CACNA2D3: variants seen among roughly 807,000 people sequenced by gnomAD.
CACNA2D3 encodes the protein voltage-dependent calcium channel subunit alpha-2/delta-3.
CACNA2D3 carries 60 observed loss-of-function variants against 160.6 expected under a neutral mutation model. The ratio of observed to expected loss-of-function variants is 0.37; its 90% CI spans 0.30 to 0.46. CACNA2D3 has a LOEUF of 0.46. CACNA2D3 is among the 20% of genes least tolerant of loss of function. The pLI is 1.00. For missense variants in CACNA2D3, 1,205 were observed against 1,365.0 expected (o/e 0.88, Z 1.85); for synonymous variants, 558 against 492.9 (o/e 1.13, Z -1.75).
chr3:54,839,892 A>G (rs1346933628), intron 16 of CACNA2D3, among the ~76,000 whole-genome samples: 1 of 152,218 alleles, frequency 6.6e-6, no homozygotes, highest in East Asian at 1.9e-4. Flanking sequence ...TCCCAGAGGC[A>G]TGAAAGGACA....
chr3:54,244,400 A>C (rs1702031837), intron 2 of CACNA2D3, among the ~76,000 whole-genome samples: 1 of 152,260 alleles, frequency 6.6e-6, no homozygotes, highest in Admixed American at 6.5e-5. Flanking sequence ...TCATCTATGA[A>C]ACACAGTAAT....
intron 11 of CACNA2D3, among the ~76,000 whole-genome samples, chr3:54,740,447 G>A (rs1277951081): frequency 1.3e-5 from 2 of 152,116 alleles, no homozygotes; most frequent in East Asian, 3.9e-4. Flanking sequence ...TCTTCAGCCA[G>A]GGGCGCATGC....
chr3:54,198,818 G>C (rs1450977526), intron 2 of CACNA2D3, among the ~76,000 whole-genome samples: 2 of 152,254 alleles, frequency 1.3e-5, no homozygotes, highest in Non-Finnish European at 1.5e-5. Flanking sequence ...GAGTGCACAG[G>C]TCTGGTCGGC....
intron 11 of CACNA2D3, among the ~76,000 whole-genome samples, chr3:54,680,244 T>C (rs1312858209): frequency 1.3e-5 from 2 of 152,184 alleles, no homozygotes; most frequent in African/African-American, 4.8e-5. Flanking sequence ...AAGATATACA[T>C]TCACCTAATT....
At chr3:55,013,549 A>G (rs1703257456) in intron 34 of CACNA2D3, among the ~76,000 whole-genome samples, 1 of 152,184 alleles carries the variant, frequency 6.6e-6, no homozygotes. Flanking sequence ...ATTGGCTTGC[A>G]AGGTTTCTTC....
At chr3:54,599,208 C>T (rs1703018266) in intron 9 of CACNA2D3, among the ~76,000 whole-genome samples, 2 of 152,168 alleles carry the variant, frequency 1.3e-5, no homozygotes, top group Non-Finnish European at 2.9e-5. Context: ...TGACTTTCCA[C>T]AGCCTCATCT....
rs577424164 is a variant in CACNA2D3, at chr3:55,050,035, G to C, written c.2988-23410G>C. On this transcript the variant is annotated intron_variant, in intron 35 of 37. Coordinates refer to ENST00000474759, the MANE Select transcript of CACNA2D3 (RefSeq NM_018398.3). ...ATGGGTTTCCTGAATACAGCACACT[G>C]ATGGGTCTTGACTCTTTATCCAATT... 9.2e-5 allele frequency among the ~76,000 whole-genome samples: 14 copies of C among 151,430 alleles called. No individual in the cohort carries two copies. The South Asian group carries it at 2.5e-3, about 27-fold the overall frequency.
chr3:54,627,471 G>A (rs896364975), intron 9 of CACNA2D3, among the ~76,000 whole-genome samples: 4 of 152,190 alleles, frequency 2.6e-5, no homozygotes, highest in African/African-American at 9.6e-5. Context: ...GAGCGGGAGA[G>A]TAGGGGTAGG....
intron 27 of CACNA2D3, among the ~76,000 whole-genome samples, chr3:54,959,005 G>T (rs1018335557): frequency 1.3e-5 from 2 of 152,140 alleles, no homozygotes; most frequent in Admixed American, 1.3e-4. Flanking sequence ...GGAGACTATG[G>T]TGGGATAATT....
chr3:54,320,042 A>T (rs1428183361), intron 2 of CACNA2D3, among the ~76,000 whole-genome samples: 1 of 152,202 alleles, frequency 6.6e-6, no homozygotes, highest in African/African-American at 2.4e-5. Context: ...TCAGGGACCC[A>T]TAGGAGTTTT....
intron 2 of CACNA2D3, among the ~76,000 whole-genome samples, chr3:54,259,934 T>C (rs1702372855): frequency 6.6e-6 from 1 of 152,204 alleles, no homozygotes; most frequent in Admixed American, 6.5e-5. Context: ...CTGCTAAGAT[T>C]CCTTAATGTA....
At chr3:54,669,911 A>C (rs943616470) in intron 11 of CACNA2D3, among the ~76,000 whole-genome samples, 2 of 152,058 alleles carry the variant, frequency 1.3e-5, no homozygotes, top group African/African-American at 4.8e-5. Context: ...AGCCTCCCAA[A>C]GTGCTGGGAT....
chr3:54,130,771 G>T (rs969067307), intron 2 of CACNA2D3, among the ~76,000 whole-genome samples: 5 of 152,242 alleles, frequency 3.3e-5, no homozygotes, highest in South Asian at 2.1e-4. Flanking sequence ...CTGAATTTTC[G>T]ATCTCACAGG....
chr3:54,550,343 C>T (rs1476681490), intron 5 of CACNA2D3, among the ~76,000 whole-genome samples: 1 of 152,210 alleles, frequency 6.6e-6, no homozygotes, highest in Admixed American at 6.5e-5. Context: ...TCGGTTCCCT[C>T]ATCCTCCAGA....
At chr3:54,900,098 A>T (rs544323085) in intron 27 of CACNA2D3, among the ~76,000 whole-genome samples, 2 of 152,070 alleles carry the variant, frequency 1.3e-5, no homozygotes, top group South Asian at 2.1e-4. Context: ...CTATCCTTAA[A>T]CTCTGAGCCA....
intron 9 of CACNA2D3, among the ~76,000 whole-genome samples, chr3:54,587,728 A>G (rs532644362): frequency 6.6e-6 from 1 of 152,280 alleles, no homozygotes; most frequent in South Asian, 2.1e-4. Flanking sequence ...AAAATTGATC[A>G]AATTCTCAAA....
chr3:54,222,432 C>T (rs1318680153), intron 2 of CACNA2D3, among the ~76,000 whole-genome samples: 1 of 152,182 alleles, frequency 6.6e-6, no homozygotes, highest in Non-Finnish European at 1.5e-5. Flanking sequence ...AAGGAGTTTT[C>T]TCTTATTCAG....
intron 5 of CACNA2D3, among the ~76,000 whole-genome samples, chr3:54,547,241 T>C (rs1354503769): frequency 3.3e-5 from 5 of 152,204 alleles, no homozygotes; most frequent in African/African-American, 1.2e-4. Context: ...TCATACCCTT[T>C]GGAAGCAGTT....
intron 21 of CACNA2D3, among the ~76,000 whole-genome samples, chr3:54,882,285 T>C (rs1473136083): frequency 1.3e-5 from 2 of 152,206 alleles, no homozygotes; most frequent in Non-Finnish European, 2.9e-5. Flanking sequence ...GTCAGAACAA[T>C]AGGAGAGGTT....
Sources: gnomAD v4.1 joint callset for allele counts (sites outside exome capture counted in the v4.1 genomes callset) on GRCh38, gnomAD v4.1.1 for gene constraint, MANE v1.5 for transcripts, NCBI Gene and HGNC (gene_info 2026-07-23, HGNC 2026-07-21) for gene names.